Variants in UBE2H observed in about 807,000 individuals in gnomAD.
UBE2H encodes the protein ubiquitin-conjugating enzyme E2 H.
In UBE2H, 3 loss-of-function variants were observed where a neutral mutation model predicts 29.0. The ratio of observed to expected loss-of-function variants is 0.10; its 90% CI spans 0.05 to 0.27. The LOEUF (loss-of-function observed/expected upper bound fraction) is 0.27, where lower values mean the gene tolerates loss of function less well. Ranked by LOEUF, UBE2H falls within the 10% of genes least tolerant of loss-of-function variation. UBE2H has a pLI of 1.00. For missense variants in UBE2H, 68 were observed against 228.2 expected (o/e 0.30, Z 4.52); for synonymous variants, 69 against 82.9 (o/e 0.83, Z 0.91).
At chr7:129,870,808 C>T (rs1258563175) in intron 3 of UBE2H, among the ~76,000 whole-genome samples, 1 of 152,108 alleles carries the variant, frequency 6.6e-6, no homozygotes, top group East Asian at 1.9e-4. Context: ...GAGCCTTTAA[C>T]CTGGCCTACA....
At chr7:129,945,937 G>C (rs1416873889) in intron 1 of UBE2H, among the ~76,000 whole-genome samples, 2 of 151,668 alleles carry the variant, frequency 1.3e-5, no homozygotes, top group Non-Finnish European at 2.9e-5. Flanking sequence ...GTAGAGATGG[G>C]GTTTCTTCAC....
chr7:129,854,180 T>C (rs1410411209), intron 5 of UBE2H, among the ~76,000 whole-genome samples: 1 of 149,254 alleles, frequency 6.7e-6, no homozygotes, highest in South Asian at 2.2e-4. Context: ...AATTATGAAC[T>C]AACCTTCAAT....
At chr7:129,844,826 C>A (rs1805485020) in intron 5 of UBE2H, among the ~76,000 whole-genome samples, 1 of 152,252 alleles carries the variant, frequency 6.6e-6, no homozygotes, top group South Asian at 2.1e-4. Flanking sequence ...AATTTATATT[C>A]ATATTTACTA....
chr7:129,914,402 AG>A (rs989804654), intron 1 of UBE2H, among the ~76,000 whole-genome samples: 3 of 151,960 alleles, frequency 2.0e-5, no homozygotes, highest in African/African-American at 7.3e-5. Flanking sequence ...CCTGACCTCA[AG>A]TGACCCACAC....
chr7:129,841,976 A>G (rs538545564), intron 5 of UBE2H, among the ~76,000 whole-genome samples: 3 of 152,332 alleles, frequency 2.0e-5, no homozygotes, highest in Admixed American at 6.5e-5. Flanking sequence ...AATGAAAAAA[A>G]TGCTTATACT....
intron 1 of UBE2H, among the ~76,000 whole-genome samples, chr7:129,952,227 G>C (rs1346880198): frequency 6.6e-6 from 1 of 152,166 alleles, no homozygotes. Flanking sequence ...AGGCCGTCTC[G>C]GGAGTCCAAA....
intron 1 of UBE2H, among the ~76,000 whole-genome samples, chr7:129,920,611 G>C (rs1345195007): frequency 6.6e-6 from 1 of 151,916 alleles, no homozygotes; most frequent in Non-Finnish European, 1.5e-5. Flanking sequence ...AAATAAACAT[G>C]AATGGTATGA....
chr7:129,895,152 G>A (rs1442109572), intron 1 of UBE2H, among the ~76,000 whole-genome samples: 1 of 152,102 alleles, frequency 6.6e-6, no homozygotes, highest in African/African-American at 2.4e-5. Flanking sequence ...TTAACTGTAG[G>A]CCTGGAGGCA....
intron 1 of UBE2H, among the ~76,000 whole-genome samples, chr7:129,910,353 A>G (rs1331961555): frequency 1.3e-5 from 2 of 151,844 alleles, no homozygotes; most frequent in African/African-American, 4.8e-5. Flanking sequence ...AACAAAAACA[A>G]AAAGGCCAAA....
At chr7:129,904,531 G>A (rs1463515859) in intron 1 of UBE2H, among the ~76,000 whole-genome samples, 1 of 152,142 alleles carries the variant, frequency 6.6e-6, no homozygotes, top group Admixed American at 6.5e-5. Context: ...CTATTTCCTT[G>A]TAGGTTTTAT....
Position 129,833,855 on chromosome 7 carries a change from A to G in UBE2H, c.*1082T>C, listed in dbSNP as rs1398601439. On this transcript the variant is annotated 3_prime_UTR_variant, in exon 7 of 7. Coordinates refer to ENST00000355621, the MANE Select transcript of UBE2H (RefSeq NM_003344.4). Reference sequence around the variant, plus strand: ...AAGAGCAGCAGAAAAAGGGAAAACCAAACCAGAACATGAAGGCAAGTACCC... The same window carrying G: ...AAGAGCAGCAGAAAAAGGGAAAACCGAACCAGAACATGAAGGCAAGTACCC... 1 of 152,206 alleles carries G rather than the reference A, an allele frequency of 6.6e-6. No individual in the cohort carries two copies. The highest frequency in any genetic ancestry group is 2.4e-5 in the African/African-American group (1 of 41,454). The allele number at this position is 152,206 out of a possible 1,614,324, so 9.4% of individuals were successfully genotyped here. A position where few individuals can be genotyped will look rare whatever the true frequency, so the allele number is the denominator to read the frequency against.
At chr7:129,884,849 C>T (rs1033476611) in intron 1 of UBE2H, among the ~76,000 whole-genome samples, 3 of 152,174 alleles carry the variant, frequency 2.0e-5, no homozygotes, top group African/African-American at 7.2e-5. Flanking sequence ...TCCCAGAGTG[C>T]TGGGATTATA....
chr7:129,857,433 C>G, intron 5 of UBE2H, 78 bp downstream of exon 5: 2 of 1,486,684 alleles, frequency 1.3e-6, no homozygotes, highest in East Asian at 2.3e-5. Context: ...ACATCTTAAA[C>G]CAGAAAAGAA....
intron 1 of UBE2H, among the ~76,000 whole-genome samples, chr7:129,933,105 AT>A (rs1176796007): frequency 1.3e-5 from 2 of 152,228 alleles, no homozygotes; most frequent in African/African-American, 4.8e-5. Flanking sequence ...GTAAAATGAG[AT>A]TTTAAATATC....
In UBE2H at chr7:129,895,812, C is replaced by A. The variant is rs148689852; in HGVS notation, c.54-14841G>T. ...GCTGAGGCAGGAGAATGGCGTGGAG[C>A]TTGCAGTGAGTTGAGATCGCGCCAC... On this transcript the variant is annotated intron_variant, in intron 1 of 6. Transcript: ENST00000355621. Among the ~76,000 whole-genome samples the A allele has an allele frequency of 6.1e-3, 928 of 152,088 alleles. 11 individuals are homozygous for A. The highest frequency in any genetic ancestry group is 0.021 in the African/African-American group (880 of 41,488).
At chr7:129,922,029 G>C (rs1807174000) in intron 1 of UBE2H, among the ~76,000 whole-genome samples, 1 of 151,898 alleles carries the variant, frequency 6.6e-6, no homozygotes, top group African/African-American at 2.4e-5. Flanking sequence ...TGTCACCCAG[G>C]CTGGAGTGCA....
intron 1 of UBE2H, among the ~76,000 whole-genome samples, chr7:129,904,845 C>T (rs1209182760): frequency 1.3e-5 from 2 of 152,222 alleles, no homozygotes; most frequent in African/African-American, 2.4e-5. Flanking sequence ...ATGAGGGTTA[C>T]TCAGCAGTGC....
chr7:129,950,659 A>G (rs1807855653), intron 1 of UBE2H, among the ~76,000 whole-genome samples: 2 of 152,194 alleles, frequency 1.3e-5, no homozygotes, highest in South Asian at 2.1e-4. Context: ...CCAATTAAAC[A>G]TTAGGTAGAA....
intron 1 of UBE2H, among the ~76,000 whole-genome samples, chr7:129,933,481 A>C (rs1807450014): frequency 1.3e-5 from 2 of 152,194 alleles, no homozygotes; most frequent in Admixed American, 1.3e-4. Flanking sequence ...GCACAACCTT[A>C]ATTTCCTTTT....
Sources: gnomAD v4.1 joint callset for allele counts (sites outside exome capture counted in the v4.1 genomes callset) on GRCh38, gnomAD v4.1.1 for gene constraint, MANE v1.5 for transcripts, NCBI Gene and HGNC (gene_info 2026-07-23, HGNC 2026-07-21) for gene names.